Variants in ZNF749 observed in about 807,000 individuals in gnomAD.
ZNF749 encodes the protein zinc finger protein 749.
Under a neutral mutation model 7.3 loss-of-function variants are expected in ZNF749, and 8 were observed. The observed-to-expected ratio is 1.10, with a 90% confidence interval of 0.64 to 1.98. The LOEUF is 1.98. Ranked by LOEUF, ZNF749 falls within the 30% of genes most tolerant of loss-of-function variation. ZNF749 has a pLI of 0.00. For synonymous variants in ZNF749, 310 were observed against 322.4 expected, an observed-to-expected ratio of 0.96 and a Z score of 0.41; for missense variants, 898 against 932.4, an observed-to-expected ratio of 0.96 and a Z score of 0.48.
At position 57,445,597 on chromosome 19, in the gene ZNF749, A is replaced by G. The variant is rs2089056526; in HGVS notation, c.*112A>G. 7 of 1,477,078 alleles carry G rather than the reference A, an allele frequency of 4.7e-6. No homozygotes were observed. The South Asian group carries it at 1.0e-4, about 22-fold the overall frequency. The allele number at this position is 1,477,078 out of a possible 1,614,324, so 91.5% of individuals were successfully genotyped here. A position where few individuals can be genotyped will look rare whatever the true frequency, so the allele number is the denominator to read the frequency against. ...TAAATCTAATGTTGAAAGAGTTCAG[A>G]TGGAAATCTGCGAGGATTTCCTGCT... On this transcript the variant is annotated 3_prime_UTR_variant, in exon 3 of 3. Transcript: ENST00000334181.
At position 57,444,614 on chromosome 19, in the gene ZNF749, G is replaced by A. The variant is rs763394367; in HGVS notation, c.1466G>A (p.Gly489Glu). ...RPRPYTCSEC[G>E]KAFLTQAHLV... is the part of the protein sequence containing the mutation. ...AGGCCTTATACATGCAGTGAATGTG[G>A]GAAGGCCTTCCTTACACAGGCTCAT... Residue 489 changes from glycine to glutamate, a missense_variant, in exon 3 of 3, where the codon GGG becomes GAG. Physicochemically the swap from Gly to Glu is moderately conservative, Grantham distance 98. Coordinates refer to ENST00000334181, the MANE Select transcript of ZNF749 (RefSeq NM_001023561.4). 3 of 1,613,432 alleles carry A rather than the reference G, an allele frequency of 1.9e-6. No individual in the cohort carries two copies. The highest frequency in any genetic ancestry group is 2.5e-6 in the Non-Finnish European group (3 of 1,179,916).
intron 1 of ZNF749, among the ~76,000 whole-genome samples, chr19:57,435,938 G>A (rs181508679): frequency 2.8e-3 from 424 of 152,358 alleles, no homozygotes; most frequent in Non-Finnish European, 4.2e-3. Context: ...CACGCCCAGA[G>A]TTAGAAGTTT....
intron 1 of ZNF749, among the ~76,000 whole-genome samples, chr19:57,437,753 T>C (rs988629058): frequency 6.7e-6 from 1 of 149,628 alleles, no homozygotes; most frequent in Admixed American, 6.7e-5. Context: ...GGAAAAATAC[T>C]CAAATTTTCA....
rs1348865533 is a variant in ZNF749 at position 57,445,779 on chromosome 19, A to G, written c.*294A>G. On this transcript the variant is annotated 3_prime_UTR_variant, in exon 3 of 3. Transcript: ENST00000334181. ...CCCCATCTCTACTAAAAATACAAAA[A>G]TTAGCTGGGCATGGTGGCAGGTGCC... Among the ~76,000 whole-genome samples the G allele has an allele frequency of 6.6e-6, 1 of 152,096 alleles. No individual in the cohort carries two copies. Among genetic ancestry groups the G allele is most frequent in the East Asian group, 1.9e-4 (1 of 5,160 alleles).
chr19:57,443,408 A>G lies in ZNF749; in HGVS notation c.260A>G (p.Lys87Arg), dbSNP rs747497441. 1.2e-6 allele frequency: 2 copies of G among 1,614,242 alleles called. No individual in the cohort carries two copies. Among genetic ancestry groups the G allele is most frequent in the Middle Eastern group, 1.6e-4 (1 of 6,062 alleles). ...TCCACCCTGAAGGCCCAGCCCTGCAAGATGTGTAGCTCAATTCTGAAGGAC... is the reference window on the plus strand; with the variant it reads ...TCCACCCTGAAGGCCCAGCCCTGCAGGATGTGTAGCTCAATTCTGAAGGAC... ...ALSTLKAQPC[K>R]MCSSILKDIL... The change falls in exon 3 of 3, where the codon AAG (lysine) becomes AGG (arginine). Residue 87 changes from lysine (K) to arginine (R), a missense_variant. Coordinates refer to ENST00000334181, the MANE Select transcript of ZNF749 (RefSeq NM_001023561.4).
the ZNF749 span, among the ~76,000 whole-genome samples, chr19:57,428,846 G>A: frequency 2.6e-5 from 4 of 152,102 alleles, no homozygotes; most frequent in African/African-American, 9.7e-5. Flanking sequence ...GACTACTTGA[G>A]GTAGCTTATA....
rs1256019621 is a variant in ZNF749, at chr19:57,439,140, A to G, written c.16-2745A>G. On this transcript the variant is annotated intron_variant, in intron 1 of 2. Transcript: ENST00000334181. The surrounding 1 kb of genome is among the most constrained non-coding windows in gnomAD (Gnocchi z 4.3). Reference sequence around the variant, plus strand: ...TGGCTCCCTCTGCCTGCAGAATGGAAGACCACGTGCAGGTGAGGGTGGAGC... The same window carrying G: ...TGGCTCCCTCTGCCTGCAGAATGGAGGACCACGTGCAGGTGAGGGTGGAGC... Among the ~76,000 whole-genome samples, 2 of 152,126 alleles carry G rather than the reference A, an allele frequency of 1.3e-5. No individual in the cohort carries two copies. The highest frequency in any genetic ancestry group is 4.8e-5 in the African/African-American group (2 of 41,410).
rs1488324715 is a variant in ZNF749, at chr19:57,446,170, A to G, written c.*685A>G. 6.6e-6 allele frequency among the ~76,000 whole-genome samples: 1 copy of G among 152,156 alleles called. No homozygotes were observed. On this transcript the variant is annotated 3_prime_UTR_variant, in exon 3 of 3. Transcript: ENST00000334181. ...TGTTAGGAACCGGGCCAGCATCACT[A>G]CCTGAGCTTCACCTCCTGTCAGATG...
rs562301254 is a variant in ZNF749 at position 57,445,944 on chromosome 19, TATA to T, written c.*462_*464del. Among the ~76,000 whole-genome samples, 1 of 151,938 alleles carries T rather than the reference TATA, an allele frequency of 6.6e-6. No individual in the cohort carries two copies. The highest frequency in any genetic ancestry group is 1.5e-5 in the Non-Finnish European group (1 of 67,974). The stretch of plus-strand genomic sequence containing the variant: ...GACTCTGTCTCAAAAAGAAAAAAAT[TATA>T]ATTGTGGCAAATTACAGGTAACTTA... On this transcript the variant is annotated 3_prime_UTR_variant, in exon 3 of 3. Transcript: ENST00000334181.
At chr19:57,443,016 T>G (rs1345892040) in intron 2 of ZNF749, among the ~76,000 whole-genome samples, 2 of 152,206 alleles carry the variant, frequency 1.3e-5, no homozygotes, top group Admixed American at 6.5e-5. Context: ...CGTCATGGCC[T>G]GTTGAAAGCC....
chr19:57,441,846 A>C, intron 1 of ZNF749, 39 bp from the exon 2 acceptor site: 3 of 1,612,450 alleles, frequency 1.9e-6, no homozygotes, highest in Non-Finnish European at 2.5e-6. Context: ...ACACAGAATA[A>C]GAAGTTGTTC....
At chr19:57,432,490 A>G (rs1430323469), upstream of ZNF749, among the ~76,000 whole-genome samples, 2 of 136,412 alleles carry the variant, frequency 1.5e-5, no homozygotes, top group Non-Finnish European at 3.1e-5. Flanking sequence ...TGAACCTGGG[A>G]GGTGGAGGTT....
chr19:57,430,445 T>G (rs547171802), upstream of ZNF749, among the ~76,000 whole-genome samples: 4 of 152,248 alleles, frequency 2.6e-5, no homozygotes, highest in Admixed American at 2.0e-4. Context: ...TCAGCATGAG[T>G]TTGGAGAAGA....
Position 57,435,373 on chromosome 19 carries a change from C to G in ZNF749, c.-206C>G, listed in dbSNP as rs1335600345. ...TGCGTTAGCATGGCTACCTAGGGAT[C>G]TGTTCACTGATTTAGAGGGTCCCAG... On this transcript the variant is annotated 5_prime_UTR_variant, in exon 1 of 3. In the 5' UTR this introduces an upstream ATG that the reference lacks. Coordinates refer to ENST00000334181, the MANE Select transcript of ZNF749 (RefSeq NM_001023561.4). The G allele has an allele frequency of 1.0e-5, 7 of 702,432 alleles. No homozygotes were observed. The highest frequency in any genetic ancestry group is 9.0e-5 in the South Asian group (5 of 55,610). 43.5% of individuals were successfully genotyped at this position (702,432 alleles called of 1,614,324 possible). A position where few individuals can be genotyped will look rare whatever the true frequency, so the allele number is the denominator to read the frequency against.
rs2089040037 is a variant in ZNF749, at chr19:57,444,729, T to C, written c.1581T>C (p.Val527=). The change falls in exon 3 of 3, where the codon GTT becomes GTC. Residue 527 remains valine, a synonymous_variant. Coordinates refer to ENST00000334181, the MANE Select transcript of ZNF749 (RefSeq NM_001023561.4). ...AKAFVRKSHL[V]QHEKIHTDAF... is the part of the protein sequence containing the mutation. Reference sequence around the variant, plus strand: ...CCTTTGTTAGAAAGTCCCACCTAGTTCAGCATGAGAAAATCCACACTGATG... The same window carrying C: ...CCTTTGTTAGAAAGTCCCACCTAGTCCAGCATGAGAAAATCCACACTGATG... The C allele has an allele frequency of 6.2e-7, 1 of 1,613,478 alleles. No homozygotes were observed. The highest frequency in any genetic ancestry group is 1.3e-5 in the African/African-American group (1 of 74,830).
In ZNF749 at chr19:57,444,423, T is replaced by C. The variant is rs753451428; in HGVS notation, c.1275T>C (p.Val425=). The change falls in exon 3 of 3, where the codon GTT becomes GTC. Residue 425 remains valine, a synonymous_variant. Transcript: ENST00000334181. The part of the protein sequence containing the change: ...CGKAFSLKHN[V]VQHLKIHTGE... ...AAGCCTTTAGCCTCAAACATAATGTTGTTCAGCATCTGAAAATTCATACTG... is the reference window on the plus strand; with the variant it reads ...AAGCCTTTAGCCTCAAACATAATGTCGTTCAGCATCTGAAAATTCATACTG... 9.3e-6 allele frequency: 15 copies of C among 1,613,922 alleles called. No individual in the cohort carries two copies. The highest frequency in any genetic ancestry group is 1.3e-5 in the Non-Finnish European group (15 of 1,179,934).
intron 1 of ZNF749, among the ~76,000 whole-genome samples, chr19:57,441,131 A>AC (rs2088984258): frequency 6.6e-6 from 1 of 150,580 alleles, no homozygotes; most frequent in African/African-American, 2.4e-5. Context: ...AAAAAAAAAA[A>AC]AAAAAAAGAG....
At chr19:57,431,038 CAA>C (rs34687490), upstream of ZNF749, among the ~76,000 whole-genome samples, 5 of 93,748 alleles carry the variant, frequency 5.3e-5, no homozygotes, top group Non-Finnish European at 2.1e-5. Flanking sequence ...GACTCTGTCT[CAA>C]AAAAAAAAAA....
At chr19:57,437,991 G>A (rs1219701167) in intron 1 of ZNF749, 2 of 397,724 alleles carry the variant, frequency 5.0e-6, no homozygotes, top group Non-Finnish European at 4.4e-6. Flanking sequence ...AGGACTTGCT[G>A]TAGCTTCAGA....
Sources: allele counts gnomAD v4.1 joint callset (sites outside exome capture counted in the v4.1 genomes callset), GRCh38; gene constraint gnomAD v4.1.1; non-coding constraint Gnocchi (gnomAD v3.1); transcripts MANE v1.5; gene names NCBI Gene and HGNC (gene_info 2026-07-23, HGNC 2026-07-21).